Variants in FAIM observed in about 807,000 individuals in gnomAD.
FAIM encodes the protein fas apoptotic inhibitory molecule 1.
In FAIM, 14 loss-of-function variants were observed where a neutral mutation model predicts 21.2. The ratio of observed to expected loss-of-function variants is 0.66; its 90% CI spans 0.44 to 1.03. FAIM has a LOEUF of 1.03. Ranked by LOEUF, FAIM falls within the 50% of genes least tolerant of loss-of-function variation. The probability of loss-of-function intolerance (pLI) is 0.00; values close to 1 mark genes in which losing one functional copy is unlikely to be tolerated. For synonymous variants in FAIM, 86 were observed against 80.4 expected, an observed-to-expected ratio of 1.07 and a Z score of -0.37; for missense variants, 222 against 247.1, an observed-to-expected ratio of 0.90 and a Z score of 0.68.
At chr3:138,629,239 C>T (rs470678) in intron 5 of FAIM, 83 bp downstream of exon 5, 278,461 of 1,134,020 alleles carry the variant, frequency 0.25, 41,138 homozygotes, top group African/African-American at 0.61. Flanking sequence ...TTATAGAGAT[C>T]TTATAATGAA....
chr3:138,611,286 T>G (rs1199264419), intron 1 of FAIM, among the ~76,000 whole-genome samples: 3 of 152,072 alleles, frequency 2.0e-5, no homozygotes, highest in Admixed American at 2.0e-4. Flanking sequence ...TTTTGTTTTT[T>G]TTTTTAACAA....
intron 1 of FAIM, among the ~76,000 whole-genome samples, chr3:138,619,189 C>T (rs1336145183): frequency 6.6e-6 from 1 of 152,206 alleles, no homozygotes; most frequent in Non-Finnish European, 1.5e-5. Context: ...GTTATCTAAA[C>T]AGATTTTGAA....
Position 138,633,163 on chromosome 3 carries a change from A to C in FAIM, c.*84A>C. ...GTGTTCAGTATGTACTTATCAGTAC[A>C]TTTAGTCTGCAATGTTTTAATTTTT... On this transcript the variant is annotated 3_prime_UTR_variant, in exon 6 of 6. Transcript: ENST00000360570. 8.5e-7 allele frequency: 1 copy of C among 1,178,516 alleles called. No individual in the cohort carries two copies. The highest frequency in any genetic ancestry group is 1.1e-6 in the Non-Finnish European group (1 of 876,862). The allele number at this position is 1,178,516 out of a possible 1,614,324, so 73.0% of individuals were successfully genotyped here.
intron 1 of FAIM, among the ~76,000 whole-genome samples, chr3:138,615,432 C>T (rs56654955): frequency 0.12 from 18,093 of 152,176 alleles, 2,178 homozygotes; most frequent in East Asian, 0.37. Flanking sequence ...TCCAGAGAAT[C>T]ACCAGTTACG....
At chr3:138,612,201 C>T (rs2042777135) in intron 1 of FAIM, among the ~76,000 whole-genome samples, 1 of 150,960 alleles carries the variant, frequency 6.6e-6, no homozygotes, top group Admixed American at 6.6e-5. Context: ...CCCGGGTTCA[C>T]GCCATTCTCC....
chr3:138,610,830 G>A (rs368256520), intron 1 of FAIM: 10 of 739,274 alleles, frequency 1.4e-5, no homozygotes, highest in East Asian at 7.5e-5. Flanking sequence ...TGATCCGACC[G>A]CCTTGACCTC....
Position 138,629,135 on chromosome 3 carries a change from T to C in FAIM, c.435T>C (p.Asn145=), listed in dbSNP as rs1479654830. The C allele has an allele frequency of 1.9e-6, 3 of 1,611,994 alleles. No homozygotes were observed. Among genetic ancestry groups the C allele is most frequent in the Non-Finnish European group, 2.5e-6 (3 of 1,179,368 alleles). Residue 145 remains asparagine (N), a synonymous_variant, in exon 5 of 6, where the codon AAT becomes AAC. Transcript: ENST00000360570. ...AAGATGCTATGGACGTATGGTGCAA[T>C]GGTAAAAAATTGGAGACAGCGGTAA... The part of the protein sequence containing the change: ...LEKDAMDVWC[N]GKKLETAGEF...
At chr3:138,623,545 T>G (rs1218278579) in intron 4 of FAIM, among the ~76,000 whole-genome samples, 1 of 151,804 alleles carries the variant, frequency 6.6e-6, no homozygotes, top group African/African-American at 2.4e-5. Context: ...TTAAAAAAAT[T>G]TTTTGTAGAG....
intron 4 of FAIM, among the ~76,000 whole-genome samples, chr3:138,625,872 C>G (rs2042933402): frequency 6.6e-6 from 1 of 152,066 alleles, no homozygotes; most frequent in Admixed American, 6.6e-5. Context: ...CCTCAAAGAT[C>G]ATGTGCATTT....
chr3:138,629,489 T>C (rs2042979854), intron 5 of FAIM: 1 of 184,144 alleles, frequency 5.4e-6, no homozygotes, highest in African/African-American at 2.4e-5. Flanking sequence ...CCTCTTGTGT[T>C]GATCCATTTG....
chr3:138,627,699 C>A (rs1261429298), intron 4 of FAIM, among the ~76,000 whole-genome samples: 1 of 152,158 alleles, frequency 6.6e-6, no homozygotes, highest in African/African-American at 2.4e-5. Flanking sequence ...TTGAGTTTAC[C>A]TGCACCTGTG....
chr3:138,622,952 A>G (rs965515260), intron 4 of FAIM, among the ~76,000 whole-genome samples: 17 of 151,710 alleles, frequency 1.1e-4, no homozygotes, highest in African/African-American at 4.1e-4. Flanking sequence ...GGCAGGGGAA[A>G]TCACTTGAAT....
chr3:138,611,014 A>G (rs2042762333), intron 1 of FAIM: 2 of 1,613,852 alleles, frequency 1.2e-6, no homozygotes, highest in Non-Finnish European at 1.7e-6. Context: ...ATCTCTTGGT[A>G]TCTCCGGACT....
intron 1 of FAIM, among the ~76,000 whole-genome samples, chr3:138,619,243 A>G (rs2042859200): frequency 6.6e-6 from 1 of 152,206 alleles, no homozygotes; most frequent in African/African-American, 2.4e-5. Flanking sequence ...TAAAGATTAC[A>G]TTTTAAATTA....
chr3:138,621,354 G>C, intron 2 of FAIM, 53 bp from the exon 3 acceptor site: 1 of 1,532,514 alleles, frequency 6.5e-7, no homozygotes, highest in Admixed American at 1.9e-5. Context: ...GGATTAATTG[G>C]TTATTTAATT....
At chr3:138,627,264 C>T (rs548795677) in intron 4 of FAIM, among the ~76,000 whole-genome samples, 56 of 151,742 alleles carry the variant, frequency 3.7e-4, no homozygotes, top group Admixed American at 1.2e-3. Flanking sequence ...TCACTGCAAC[C>T]TCTGCCTCCT....
chr3:138,609,599 T>TCTCTCTCGA (rs1560491094), intron 1 of FAIM, among the ~76,000 whole-genome samples: 5 of 69,416 alleles, frequency 7.2e-5, no homozygotes, highest in East Asian at 5.6e-4. Flanking sequence ...CTCGACTCTC[T>TCTCTCTCGA]CTCTCTCTCT....
At chr3:138,628,463 T>A (rs1440397320) in intron 4 of FAIM, among the ~76,000 whole-genome samples, 1 of 150,070 alleles carries the variant, frequency 6.7e-6, no homozygotes, top group Admixed American at 6.6e-5. Context: ...TGCATCCTTC[T>A]TTTTTATTTA....
intron 2 of FAIM, 30 bp from the exon 3 acceptor site, chr3:138,621,377 T>G: frequency 1.2e-6 from 2 of 1,605,480 alleles, no homozygotes; most frequent in Non-Finnish European, 1.7e-6. Context: ...TATTTTGGCC[T>G]ACTATAATTG....
Sources: gnomAD v4.1 joint callset for allele counts (sites outside exome capture counted in the v4.1 genomes callset) on GRCh38, gnomAD v4.1.1 for gene constraint, MANE v1.5 for transcripts, NCBI Gene and HGNC (gene_info 2026-07-23, HGNC 2026-07-21) for gene names.